Variants in MIPEP observed in about 807,000 individuals in gnomAD.
The protein encoded by MIPEP is mitochondrial intermediate peptidase.
A neutral mutation model predicts 90.3 loss-of-function variants in MIPEP; 79 were observed. The observed-to-expected ratio is 0.87, with a 90% CI of 0.73 to 1.05. The LOEUF (loss-of-function observed/expected upper bound fraction) is 1.05, where lower values mean the gene tolerates loss of function less well. Ranked by LOEUF, MIPEP falls within the 50% of genes least tolerant of loss-of-function variation. The pLI is 0.00. For missense variants in MIPEP, 940 were observed against 905.6 expected, an observed-to-expected ratio of 1.04 and a Z score of -0.49; for synonymous variants, 334 against 315.8, an observed-to-expected ratio of 1.06 and a Z score of -0.61.
At chr13:23,790,428 T>G (rs1469524230) in intron 16 of MIPEP, among the ~76,000 whole-genome samples, 1 of 152,192 alleles carries the variant, frequency 6.6e-6, no homozygotes, top group Non-Finnish European at 1.5e-5. Context: ...CCACATCCTA[T>G]CCCTAGAACC....
chr13:23,818,328 G>A (rs1329243803), intron 14 of MIPEP, among the ~76,000 whole-genome samples: 7 of 152,144 alleles, frequency 4.6e-5, no homozygotes, highest in African/African-American at 1.2e-4. Flanking sequence ...GCTGAGGCAT[G>A]AGAATCGCTG....
intron 9 of MIPEP, among the ~76,000 whole-genome samples, chr13:23,860,927 A>C (rs2137500642): frequency 6.6e-6 from 1 of 152,280 alleles, no homozygotes; most frequent in East Asian, 1.9e-4. Flanking sequence ...GCAGGACCTA[A>C]CAAATGATTA....
chr13:23,801,875 C>T (rs1378815191), intron 16 of MIPEP, among the ~76,000 whole-genome samples: 1 of 152,102 alleles, frequency 6.6e-6, no homozygotes, highest in African/African-American at 2.4e-5. Flanking sequence ...TTTTTTTTAA[C>T]TACTTACAAC....
chr13:23,791,626 T>C (rs890811723), intron 16 of MIPEP, among the ~76,000 whole-genome samples: 5 of 152,238 alleles, frequency 3.3e-5, no homozygotes, highest in Admixed American at 2.6e-4. Flanking sequence ...CCTGCATCAC[T>C]GGCTTTTCAG....
intron 16 of MIPEP, among the ~76,000 whole-genome samples, chr13:23,799,476 G>A (rs753966907): frequency 3.9e-5 from 6 of 151,906 alleles, no homozygotes; most frequent in African/African-American, 4.8e-5. Flanking sequence ...ACATGCGCCC[G>A]CCACCACGCC....
rs78550387 is a variant in MIPEP at position 23,759,503 on chromosome 13, C to T, written c.1970+593G>A. 3.1e-3 allele frequency among the ~76,000 whole-genome samples: 465 copies of T among 151,478 alleles called. 3 individuals are homozygous for T. The highest frequency in any genetic ancestry group is 0.01 in the Middle Eastern group (3 of 294). On this transcript the variant is annotated intron_variant, in intron 17 of 18. Coordinates refer to ENST00000382172, the MANE Select transcript of MIPEP (RefSeq NM_005932.4). The stretch of plus-strand genomic sequence containing the variant: ...CACGGGACGGGATCCCCCACACCCC[C>T]CTAGACAGCACAGGATCCCCTGCAT...
rs773163547 is a variant in MIPEP, at chr13:23,886,500, A to G, written c.196T>C (p.Phe66Leu). Residue 66 changes from phenylalanine to leucine, a missense_variant, in exon 2 of 19, where the codon TTT becomes CTT. By Grantham distance (22) the Phe-to-Leu change is conservative (BLOSUM62 0). Coordinates refer to ENST00000382172, the MANE Select transcript of MIPEP (RefSeq NM_005932.4). ...GGGGCACTCAGCTCAGGAACTCCAA[A>G]AAGACCCTTAGAACCAAAGAATACG... is the stretch of plus-strand genomic sequence containing the variant. The part of the protein sequence containing the change: ...LDLFGERRGL[F>L]GVPELSAPEG... The G allele has an allele frequency of 4.4e-5, 70 of 1,584,660 alleles. No individual in the cohort carries two copies. Among genetic ancestry groups the G allele is most frequent in the Non-Finnish European group, 5.6e-5 (65 of 1,166,024 alleles).
chr13:23,795,908 G>A (rs1031617290), intron 16 of MIPEP, among the ~76,000 whole-genome samples: 8 of 151,722 alleles, frequency 5.3e-5, no homozygotes, highest in Non-Finnish European at 1.0e-4. Flanking sequence ...AGACAGGAGG[G>A]TCAGTTGAGC....
rs538431869 is a variant in MIPEP, at chr13:23,765,345, T to C, written c.1849-5128A>G. 2.3e-4 allele frequency among the ~76,000 whole-genome samples: 35 copies of C among 152,344 alleles called. 1 individual carries two copies. The highest frequency in any genetic ancestry group is 7.7e-4 in the African/African-American group (32 of 41,580). ...GCTCCAAAAATAGGCAGGTGTACCA[T>C]AATTACATATTTTGAGAGAGGGAGA... On this transcript the variant is annotated intron_variant, in intron 16 of 18. Coordinates refer to ENST00000382172, the MANE Select transcript of MIPEP (RefSeq NM_005932.4).
At chr13:23,732,350 G>A (rs1952215284) in intron 18 of MIPEP, among the ~76,000 whole-genome samples, 1 of 152,070 alleles carries the variant, frequency 6.6e-6, no homozygotes, top group South Asian at 2.1e-4. Flanking sequence ...AGGATAAAAT[G>A]ATACAATCAC....
chr13:23,777,674 C>T (rs555240107), intron 16 of MIPEP, among the ~76,000 whole-genome samples: 1 of 152,112 alleles, frequency 6.6e-6, no homozygotes, highest in African/African-American at 2.4e-5. Flanking sequence ...AAGGATTAGT[C>T]CAATAGACTA....
At chr13:23,851,881 G>A (rs1869815525) in intron 10 of MIPEP, among the ~76,000 whole-genome samples, 1 of 152,126 alleles carries the variant, frequency 6.6e-6, no homozygotes, top group Admixed American at 6.5e-5. Context: ...TTGATGTGAT[G>A]TGACACAAAG....
chr13:23,794,876 A>G (rs1485585667), intron 16 of MIPEP, among the ~76,000 whole-genome samples: 1 of 152,226 alleles, frequency 6.6e-6, no homozygotes, highest in Non-Finnish European at 1.5e-5. Context: ...TCAATTTATA[A>G]CACTTCTGTG....
chr13:23,812,306 A>G (rs1343173336), intron 14 of MIPEP, among the ~76,000 whole-genome samples: 1 of 151,924 alleles, frequency 6.6e-6, no homozygotes, highest in Non-Finnish European at 1.5e-5. Context: ...TAGACAAGAG[A>G]AGGATGGATG....
At chr13:23,871,360 G>C (rs929104828) in intron 5 of MIPEP, among the ~76,000 whole-genome samples, 1 of 152,152 alleles carries the variant, frequency 6.6e-6, no homozygotes, top group Non-Finnish European at 1.5e-5. Context: ...CTGACTGGAG[G>C]AGAAGGGCTG....
chr13:23,732,101 C>T (rs993386606), intron 18 of MIPEP, among the ~76,000 whole-genome samples: 5 of 151,320 alleles, frequency 3.3e-5, no homozygotes, highest in East Asian at 1.9e-4. Context: ...GTGATCCTCC[C>T]GTCTCAGCTT....
chr13:23,758,269 G>C (rs367708379), intron 17 of MIPEP, among the ~76,000 whole-genome samples: 9 of 152,248 alleles, frequency 5.9e-5, no homozygotes, highest in African/African-American at 2.2e-4. Flanking sequence ...GCTTGCCTCA[G>C]CTCTGCAATG....
intron 1 of MIPEP, 147 bp downstream of exon 1, chr13:23,888,985 A>AGC: frequency 1.4e-6 from 1 of 733,638 alleles, no homozygotes; most frequent in Admixed American, 4.2e-5. Context: ...CCTCATCGAG[A>AGC]GCGCACACAA....
chr13:23,870,297 T>C, intron 5 of MIPEP, 102 bp from the exon 6 acceptor site: 1 of 612,744 alleles, frequency 1.6e-6, no homozygotes. Flanking sequence ...TATATATTGT[T>C]GAATTATCAC....
Sources: allele counts gnomAD v4.1 joint callset (sites outside exome capture counted in the v4.1 genomes callset), GRCh38; gene constraint gnomAD v4.1.1; transcripts MANE v1.5; gene names NCBI Gene and HGNC (gene_info 2026-07-23, HGNC 2026-07-21).